The following THUMPD2 variants were observed in gnomAD, a reference collection of about 807,000 sequenced individuals.
THUMPD2 encodes U6 snRNA (guanine-N(2))-methyltransferase THUMPD2.
Under a neutral mutation model 49.4 loss-of-function variants are expected in THUMPD2, and 56 were observed. The ratio of observed to expected loss-of-function variants is 1.13; its 90% CI spans 0.91 to 1.41. The LOEUF is 1.41. THUMPD2 is among the 40% of genes most tolerant of loss of function. THUMPD2 has a pLI of 0.00. For missense variants in THUMPD2, 709 were observed against 594.5 expected (o/e 1.19, Z -2.00); for synonymous variants, 237 against 205.2 (o/e 1.15, Z -1.32).
intron 7 of THUMPD2, 95 bp downstream of exon 7, chr2:39,755,794 C>G (rs1477198790): frequency 9.8e-7 from 1 of 1,020,888 alleles, no homozygotes; most frequent in African/African-American, 1.6e-5. Flanking sequence ...AAATAATCCC[C>G]AAATAGACAT....
chr2:39,766,619 C>A (rs1345070952), intron 4 of THUMPD2, among the ~76,000 whole-genome samples: 2 of 152,044 alleles, frequency 1.3e-5, no homozygotes, highest in African/African-American at 4.8e-5. Flanking sequence ...TTCTGTTAGG[C>A]CATGAAGAGT....
intron 5 of THUMPD2, among the ~76,000 whole-genome samples, chr2:39,763,110 T>C (rs1200748770): frequency 3.3e-5 from 5 of 151,940 alleles, no homozygotes; most frequent in Admixed American, 1.3e-4. Flanking sequence ...TCAGAGAACC[T>C]AGCTAATGTA....
chr2:39,776,529 G>C (rs946686637), intron 1 of THUMPD2, among the ~76,000 whole-genome samples: 11 of 151,902 alleles, frequency 7.2e-5, no homozygotes, highest in Admixed American at 2.6e-4. Flanking sequence ...GAACAGCCGG[G>C]ACTACAGGTG....
chr2:39,765,938 T>C, intron 5 of THUMPD2, 119 bp downstream of exon 5: 1 of 792,254 alleles, frequency 1.3e-6, no homozygotes, highest in Non-Finnish European at 2.1e-6. Context: ...AGAATTCAAA[T>C]GCTTTGCCTT....
At chr2:39,775,835 T>C (rs1191505720) in intron 1 of THUMPD2, among the ~76,000 whole-genome samples, 7 of 150,740 alleles carry the variant, frequency 4.6e-5, no homozygotes, top group African/African-American at 1.5e-4. Flanking sequence ...GGCAACCTTA[T>C]GCAATTATTC....
intron 9 of THUMPD2, among the ~76,000 whole-genome samples, chr2:39,737,694 G>C (rs1673290199): frequency 6.6e-6 from 1 of 152,178 alleles, no homozygotes; most frequent in African/African-American, 2.4e-5. Flanking sequence ...CATGAGGTGG[G>C]TCCCAAACCC....
intron 2 of THUMPD2, among the ~76,000 whole-genome samples, chr2:39,770,788 A>G (rs552854105): frequency 6.6e-6 from 1 of 152,136 alleles, no homozygotes; most frequent in Non-Finnish European, 1.5e-5. Flanking sequence ...GATTTGCTTT[A>G]AAACAATTTT....
intron 1 of THUMPD2, 29 bp from the exon 2 acceptor site, chr2:39,771,669 A>C (rs1403356876): frequency 6.3e-7 from 1 of 1,580,910 alleles, no homozygotes; most frequent in Admixed American, 2.0e-5. Context: ...CTTTTAATGT[A>C]GTCCAGTGTC....
At chr2:39,755,215 T>A in intron 8 of THUMPD2, 80 bp downstream of exon 8, 1 of 976,438 alleles carries the variant, frequency 1.0e-6, no homozygotes, top group Non-Finnish European at 1.5e-6. Context: ...CTTTACATAG[T>A]GAGACTTGTT....
intron 6 of THUMPD2, among the ~76,000 whole-genome samples, chr2:39,758,274 T>G (rs1353900408): frequency 3.3e-5 from 5 of 152,118 alleles, no homozygotes; most frequent in Non-Finnish European, 7.4e-5. Flanking sequence ...AAATCTGAAC[T>G]AAACATTTAA....
At position 39,749,090 on chromosome 2, in the gene THUMPD2, A is replaced by C. The variant is rs1463127744; in HGVS notation, c.1079-4612T>G. Among the ~76,000 whole-genome samples the C allele has an allele frequency of 4.6e-5, 7 of 152,310 alleles. No homozygotes were observed. In the East Asian group the frequency reaches 1.2e-3, roughly 25 times the overall value. On this transcript the variant is annotated intron_variant, in intron 8 of 9. Transcript: ENST00000505747. ...TATGAATTATATGGGTATAACATTAAATTTCAAGTGCATTTCTGCTCCATA... is the reference window on the plus strand; with the variant it reads ...TATGAATTATATGGGTATAACATTACATTTCAAGTGCATTTCTGCTCCATA...
chr2:39,758,791 A>AC (rs1239629373), intron 6 of THUMPD2, among the ~76,000 whole-genome samples: 2 of 152,136 alleles, frequency 1.3e-5, no homozygotes, highest in African/African-American at 2.4e-5. Flanking sequence ...CATCTAAAAA[A>AC]AAAAAAAAAG....
intron 1 of THUMPD2, among the ~76,000 whole-genome samples, chr2:39,773,542 T>C (rs1487485373): frequency 2.7e-5 from 4 of 146,482 alleles, no homozygotes; most frequent in East Asian, 2.0e-4. Context: ...ATATAAAATA[T>C]ATATTTATAT....
intron 9 of THUMPD2, among the ~76,000 whole-genome samples, chr2:39,740,175 T>G (rs1176971875): frequency 2.0e-5 from 3 of 152,170 alleles, no homozygotes; most frequent in African/African-American, 7.2e-5. Flanking sequence ...CTTGGTCATA[T>G]AGTTAAGTTT....
intron 8 of THUMPD2, among the ~76,000 whole-genome samples, chr2:39,748,245 C>A (rs1345251235): frequency 2.0e-5 from 3 of 152,164 alleles, no homozygotes; most frequent in African/African-American, 7.2e-5. Context: ...TATAGCACCA[C>A]CCTAGGACAC....
Position 39,743,592 on chromosome 2 carries a change from T to C in THUMPD2, c.1187+778A>G, listed in dbSNP as rs192135037. On this transcript the variant is annotated intron_variant, in intron 9 of 9. Transcript: ENST00000505747. ...ATGCCCTCCCTGTGAGGGGTGATAA[T>C]TGAGTTCTCACTCTATTAGTTCCAG... is the stretch of plus-strand genomic sequence containing the variant. 5.2e-4 allele frequency among the ~76,000 whole-genome samples: 79 copies of C among 152,302 alleles called. No homozygotes were observed. The East Asian group carries it at 5.8e-3, about 11-fold the overall frequency.
chr2:39,743,489 A>G (rs1674175058), intron 9 of THUMPD2, among the ~76,000 whole-genome samples: 1 of 152,156 alleles, frequency 6.6e-6, no homozygotes, highest in African/African-American at 2.4e-5. Context: ...TCATGTTGAA[A>G]TTTGATCCCC....
chr2:39,736,686 G>C lies in THUMPD2; in HGVS notation c.*49C>G. 1.3e-6 allele frequency: 2 copies of C among 1,526,506 alleles called. No individual in the cohort carries two copies. The highest frequency in any genetic ancestry group is 1.9e-5 in the Admixed American group (1 of 51,646). The allele number at this position is 1,526,506 out of a possible 1,614,324, so 94.6% of individuals were successfully genotyped here. On this transcript the variant is annotated 3_prime_UTR_variant, in exon 10 of 10. Transcript: ENST00000505747. ...ATCCTAGAGACAGCAAACTTCTGCT[G>C]TACAGCTAACTTACAAGGGCCTGAA...
chr2:39,759,534 A>C (rs1484305231), intron 6 of THUMPD2, among the ~76,000 whole-genome samples: 1 of 152,114 alleles, frequency 6.6e-6, no homozygotes, highest in Non-Finnish European at 1.5e-5. Flanking sequence ...CCCACCCAGA[A>C]AGTGATGGCC....
Sources: allele counts gnomAD v4.1 joint callset (sites outside exome capture counted in the v4.1 genomes callset), GRCh38; gene constraint gnomAD v4.1.1; transcripts MANE v1.5; gene names NCBI Gene and HGNC (gene_info 2026-07-23, HGNC 2026-07-21).